The following ESRRG variants were observed in gnomAD, a reference collection of about 807,000 sequenced individuals.
ESRRG encodes estrogen related receptor gamma, also known as estrogen-related receptor gamma.
ESRRG carries 13 observed loss-of-function variants against 44.0 expected under a neutral mutation model. The ratio of observed to expected loss-of-function variants is 0.30; its 90% CI spans 0.19 to 0.47. The LOEUF (loss-of-function observed/expected upper bound fraction) is 0.47. Ranked by LOEUF, ESRRG falls within the 20% of genes least tolerant of loss-of-function variation. The pLI is 1.00. For missense variants in ESRRG, 395 were observed against 580.6 expected, an observed-to-expected ratio of 0.68 and a Z score of 3.29; for synonymous variants, 215 against 214.6, an observed-to-expected ratio of 1.00 and a Z score of -0.02.
At chr1:216,966,046 T>C (rs1164141378) in intron 1 of ESRRG, among the ~76,000 whole-genome samples, 1 of 152,142 alleles carries the variant, frequency 6.6e-6, no homozygotes, top group Non-Finnish European at 1.5e-5. Flanking sequence ...TGGGCCACAT[T>C]TTAAGTAAAA....
chr1:217,024,598 A>G (rs1170257698), intron 1 of ESRRG, among the ~76,000 whole-genome samples: 1 of 151,962 alleles, frequency 6.6e-6, no homozygotes, highest in Non-Finnish European at 1.5e-5. Context: ...TCTTTTCTTA[A>G]TTCTTAATCT....
At chr1:216,655,110 C>T (rs963278774) in intron 2 of ESRRG, among the ~76,000 whole-genome samples, 20 of 152,108 alleles carry the variant, frequency 1.3e-4, no homozygotes, top group African/African-American at 4.8e-4. Flanking sequence ...TGTAATTCTT[C>T]AATGATAAGG....
intron 2 of ESRRG, among the ~76,000 whole-genome samples, chr1:216,665,418 T>C (rs1165380270): frequency 6.6e-6 from 1 of 152,132 alleles, no homozygotes; most frequent in Non-Finnish European, 1.5e-5. Context: ...GATGATATTA[T>C]GCTAAGTGAA....
Position 217,102,046 on chromosome 1 carries a change from T to A in ESRRG, c.-230+35621A>T, listed in dbSNP as rs568719681. ...GTCTCGAATTCCCGACCTCAGGTGA[T>A]CCCCCCGCTTCGGCCTCCCAAAGTG... On this transcript the variant is annotated intron_variant, in intron 1 of 8. Coordinates refer to the ESRRG transcript ENST00000366940. 1.5e-4 allele frequency among the ~76,000 whole-genome samples: 23 copies of A among 152,188 alleles called. 1 individual carries two copies. The South Asian group carries it at 4.6e-3, about 30-fold the overall frequency.
chr1:216,748,671 A>G (rs563759829), intron 2 of ESRRG, among the ~76,000 whole-genome samples: 7 of 152,308 alleles, frequency 4.6e-5, no homozygotes, highest in African/African-American at 1.7e-4. Flanking sequence ...TGTGGGGAAT[A>G]TAAGTCATCC....
intron 3 of ESRRG, among the ~76,000 whole-genome samples, chr1:216,574,012 T>C (rs190164501): frequency 1.3e-5 from 2 of 152,148 alleles, no homozygotes; most frequent in African/African-American, 2.4e-5. Context: ...TTTTCAATCT[T>C]AAACACAAAC....
chr1:216,899,105 CTT>C (rs993174874), intron 2 of ESRRG, among the ~76,000 whole-genome samples: 1 of 152,120 alleles, frequency 6.6e-6, no homozygotes, highest in African/African-American at 2.4e-5. Context: ...TACATATATT[CTT>C]TAAAAAGAAA....
intron 1 of ESRRG, among the ~76,000 whole-genome samples, chr1:217,107,045 A>G (rs772110761): frequency 1.3e-5 from 2 of 152,206 alleles, no homozygotes; most frequent in Non-Finnish European, 2.9e-5. Flanking sequence ...CATTGTTCAT[A>G]TATTCATCTG....
rs1337540122 is a variant in ESRRG at position 216,730,319 on chromosome 1, AAAAGAAAGAAAAAG to A, written c.-13-52842_-13-52829del. On this transcript the variant is annotated intron_variant, in intron 2 of 7. Transcript: ENST00000359162. Reference sequence around the variant, plus strand: ...GCTTAGAAAGGTAAAAAAAAAAAAAAAAAGAAAGAAAAAGAAAGAAAGAAAGAAAAAAAGGTACA... The same window carrying A: ...GCTTAGAAAGGTAAAAAAAAAAAAAAAAAGAAAGAAAGAAAAAAAGGTACA... 1.3e-4 allele frequency among the ~76,000 whole-genome samples: 20 copies of A among 151,344 alleles called. No homozygotes were observed. The East Asian group carries it at 3.5e-3, about 26-fold the overall frequency.
At chr1:217,131,348 G>A (rs2092962933) in intron 1 of ESRRG, among the ~76,000 whole-genome samples, 1 of 151,790 alleles carries the variant, frequency 6.6e-6, no homozygotes, top group Non-Finnish European at 1.5e-5. Flanking sequence ...AAAAAACAGT[G>A]AGCAAGTATT....
intron 1 of ESRRG, among the ~76,000 whole-genome samples, chr1:217,086,601 C>T (rs1231193287): frequency 6.6e-6 from 1 of 152,112 alleles, no homozygotes; most frequent in Admixed American, 6.5e-5. Flanking sequence ...CAATTTAAAG[C>T]CATAAAAATA....
At chr1:216,530,015 G>A (rs1480791991) in intron 5 of ESRRG, among the ~76,000 whole-genome samples, 3 of 150,872 alleles carry the variant, frequency 2.0e-5, no homozygotes, top group East Asian at 3.9e-4. Flanking sequence ...AGGAGGCTGA[G>A]GCAGGAAAAT....
At chr1:216,870,518 G>A (rs925664459) in intron 2 of ESRRG, among the ~76,000 whole-genome samples, 15 of 151,850 alleles carry the variant, frequency 9.9e-5, no homozygotes, top group African/African-American at 2.9e-4. Flanking sequence ...TTCTGGCCTC[G>A]TAAAATGAAC....
chr1:216,513,360 T>A (rs966219899), intron 6 of ESRRG, among the ~76,000 whole-genome samples: 1 of 152,248 alleles, frequency 6.6e-6, no homozygotes, highest in Middle Eastern at 3.4e-3. Flanking sequence ...ATCAAAAAAA[T>A]GTTTAGGTTT....
chr1:217,048,124 G>C lies in ESRRG; in HGVS notation c.-106+41383C>G, dbSNP rs558966320. 2.0e-5 allele frequency among the ~76,000 whole-genome samples: 3 copies of C among 152,284 alleles called. No individual in the cohort carries two copies. In the East Asian group the frequency reaches 5.8e-4, roughly 29 times the overall value. On this transcript the variant is annotated intron_variant, in intron 1 of 7. Coordinates refer to the ESRRG transcript ENST00000359162. ...AGAGTAGAGGTGAAGGGAAACACAAGTTAGCAGAGAGTAAGTGTAAGGGTA... is the reference window on the plus strand; with the variant it reads ...AGAGTAGAGGTGAAGGGAAACACAACTTAGCAGAGAGTAAGTGTAAGGGTA...
chr1:216,949,829 T>C (rs1320826078), intron 1 of ESRRG, among the ~76,000 whole-genome samples: 1 of 152,108 alleles, frequency 6.6e-6, no homozygotes, highest in Non-Finnish European at 1.5e-5. Context: ...TTTTTTTTTT[T>C]TCTGAGACAG....
rs55691102 is a variant in ESRRG, at chr1:216,733,248, A to ATTT, written c.-13-55760_-13-55758dup. On this transcript the variant is annotated intron_variant, in intron 2 of 7. Coordinates refer to the ESRRG transcript ENST00000359162. Reference sequence around the variant, plus strand: ...TTTTGCTAGCCTGCAGTATAAGGGCATTTTTTTTTTTTTTTGTCACACTAC... The same window carrying ATTT: ...TTTTGCTAGCCTGCAGTATAAGGGCATTTTTTTTTTTTTTTTTTGTCACACTAC... Among the ~76,000 whole-genome samples, 257 of 138,906 alleles carry ATTT rather than the reference A, an allele frequency of 1.9e-3. 3 individuals carry two copies. The highest frequency in any genetic ancestry group is 0.015 in the Middle Eastern group (4 of 266). 91.1% of individuals were successfully genotyped at this position (138,906 alleles called of 152,430 possible).
chr1:216,841,623 A>G (rs936069480), intron 2 of ESRRG, among the ~76,000 whole-genome samples: 4 of 152,178 alleles, frequency 2.6e-5, no homozygotes, highest in African/African-American at 9.7e-5. Flanking sequence ...TGAAAACCTG[A>G]AAGAATAAGA....
chr1:216,925,209 C>A (rs556537037), intron 2 of ESRRG, among the ~76,000 whole-genome samples: 3 of 151,734 alleles, frequency 2.0e-5, no homozygotes, highest in Admixed American at 6.6e-5. Context: ...GAGGCCGAGG[C>A]GGGCAGATCA....
Sources: gnomAD v4.1 joint callset for allele counts (sites outside exome capture counted in the v4.1 genomes callset) on GRCh38, gnomAD v4.1.1 for gene constraint, MANE v1.5 for transcripts, NCBI Gene and HGNC (gene_info 2026-07-23, HGNC 2026-07-21) for gene names.